Variants in SNX29 observed in about 807,000 individuals in gnomAD.
SNX29 encodes sorting nexin-29.
SNX29 carries 78 observed loss-of-function variants against 102.1 expected under a neutral mutation model. The observed-to-expected ratio is 0.76, with a 90% confidence interval of 0.64 to 0.92. The LOEUF is 0.92. SNX29 is among the 40% of genes least tolerant of loss of function. The pLI is 0.00. For synonymous variants in SNX29, 580 were observed against 414.5 expected, an observed-to-expected ratio of 1.40 and a Z score of -4.85; for missense variants, 1,280 against 1,061.7, an observed-to-expected ratio of 1.21 and a Z score of -2.86.
intron 18 of SNX29, among the ~76,000 whole-genome samples, chr16:12,422,761 C>G (rs1422388366): frequency 2.0e-5 from 3 of 152,226 alleles, no homozygotes; most frequent in Admixed American, 6.5e-5. Flanking sequence ...GAAGAGGCCT[C>G]CACATGGCCG....
chr16:12,156,434 G>A (rs1217343969), intron 13 of SNX29, among the ~76,000 whole-genome samples: 4 of 152,198 alleles, frequency 2.6e-5, no homozygotes, highest in Admixed American at 2.6e-4. Flanking sequence ...GCCTCCCAAA[G>A]TACTGGGATT....
intron 11 of SNX29, among the ~76,000 whole-genome samples, chr16:12,085,807 C>T (rs566781742): frequency 6.6e-6 from 1 of 152,300 alleles, no homozygotes; most frequent in South Asian, 2.1e-4. Flanking sequence ...CAGCAGCCTT[C>T]TGAGGTGTAG....
At chr16:12,416,231 C>T (rs2084630548) in intron 18 of SNX29, among the ~76,000 whole-genome samples, 1 of 152,074 alleles carries the variant, frequency 6.6e-6, no homozygotes, top group African/African-American at 2.4e-5. Context: ...TCTTAAACTG[C>T]CCCTCAAATG....
intron 16 of SNX29, among the ~76,000 whole-genome samples, chr16:12,366,419 G>A (rs973593564): frequency 3.3e-5 from 5 of 152,214 alleles, no homozygotes; most frequent in African/African-American, 9.6e-5. Context: ...TAAATGTCAT[G>A]TTTTTTTATT....
chr16:11,989,199 C>G (rs1303548257), intron 1 of SNX29, among the ~76,000 whole-genome samples: 1 of 152,158 alleles, frequency 6.6e-6, no homozygotes, highest in Non-Finnish European at 1.5e-5. Context: ...TCTTGAACTC[C>G]TGACCTCAAG....
At chr16:12,218,753 T>G (rs2077391859) in intron 14 of SNX29, among the ~76,000 whole-genome samples, 1 of 152,242 alleles carries the variant, frequency 6.6e-6, no homozygotes, top group East Asian at 1.9e-4. Flanking sequence ...GAATTTAGGT[T>G]GTTTCCAGGT....
chr16:12,531,753 G>A (rs2076938065), intron 20 of SNX29, among the ~76,000 whole-genome samples: 2 of 152,154 alleles, frequency 1.3e-5, no homozygotes, highest in Admixed American at 6.5e-5. Context: ...GAAGCATTGG[G>A]GTCAGAAACT....
At chr16:11,998,879 G>A (rs560580400) in intron 1 of SNX29, among the ~76,000 whole-genome samples, 1 of 152,302 alleles carries the variant, frequency 6.6e-6, no homozygotes, top group Non-Finnish European at 1.5e-5. Flanking sequence ...CTGCTGTACT[G>A]GGAAACTTAT....
intron 14 of SNX29, among the ~76,000 whole-genome samples, chr16:12,270,813 G>A (rs905555643): frequency 5.3e-5 from 8 of 152,024 alleles, no homozygotes; most frequent in South Asian, 2.1e-4. Context: ...AGGGCAAGGC[G>A]GGTAGATCGC....
chr16:12,427,797 CT>C (rs2085143634), intron 18 of SNX29, among the ~76,000 whole-genome samples: 1 of 152,200 alleles, frequency 6.6e-6, no homozygotes, highest in Admixed American at 6.5e-5. Context: ...CCTGATGTGT[CT>C]TCTTGAAAAT....
intron 20 of SNX29, chr16:12,527,357 AAAAAAAT>A (rs1339123214): frequency 2.0e-6 from 1 of 506,982 alleles, no homozygotes; most frequent in Non-Finnish European, 3.8e-6. Context: ...TTCTGGTTAA[AAAAAAAT>A]AAAAAATAAA....
chr16:12,077,939 C>A (rs2051662779), intron 10 of SNX29, among the ~76,000 whole-genome samples: 1 of 152,044 alleles, frequency 6.6e-6, no homozygotes, highest in South Asian at 2.1e-4. Flanking sequence ...GCATTTTTAT[C>A]AACTGATCAA....
chr16:12,193,840 T>C (rs916393179), intron 13 of SNX29, among the ~76,000 whole-genome samples: 2 of 152,216 alleles, frequency 1.3e-5, no homozygotes, highest in African/African-American at 4.8e-5. Flanking sequence ...GTCTGTCTTG[T>C]TGGTGTGTGT....
At chr16:12,549,290 T>G (rs971918147) in intron 20 of SNX29, among the ~76,000 whole-genome samples, 3 of 152,068 alleles carry the variant, frequency 2.0e-5, no homozygotes, top group African/African-American at 7.2e-5. Flanking sequence ...GGGTCAGAAG[T>G]TGGAAACCAG....
intron 14 of SNX29, among the ~76,000 whole-genome samples, chr16:12,270,967 G>A (rs1402513191): frequency 6.6e-6 from 1 of 152,116 alleles, no homozygotes; most frequent in Non-Finnish European, 1.5e-5. Flanking sequence ...GGCTTGAACT[G>A]GGGAGGTGGA....
Position 12,573,585 on chromosome 16 carries a change from C to G in SNX29, c.*4956C>G, listed in dbSNP as rs1444842359. The stretch of plus-strand genomic sequence containing the variant: ...GAAAACCACTCACCCAGGCTTCCCC[C>G]ACTTCCCCTCAAATTTTCTCAGCTC... On this transcript the variant is annotated 3_prime_UTR_variant, in exon 21 of 21. Transcript: ENST00000566228. The G allele has an allele frequency of 6.7e-5, 15 of 222,928 alleles. No homozygotes were observed. In the South Asian group the frequency reaches 1.1e-3, roughly 16 times the overall value. 13.8% of individuals were successfully genotyped at this position (222,928 alleles called of 1,614,324 possible).
intron 18 of SNX29, among the ~76,000 whole-genome samples, chr16:12,464,685 C>T (rs2086970979): frequency 6.6e-6 from 1 of 152,048 alleles, no homozygotes; most frequent in African/African-American, 2.4e-5. Flanking sequence ...GAACTCCTGG[C>T]CTCAAGGGAT....
chr16:12,408,255 G>T (rs1168226358), intron 18 of SNX29, among the ~76,000 whole-genome samples: 1 of 152,124 alleles, frequency 6.6e-6, no homozygotes, highest in Non-Finnish European at 1.5e-5. Context: ...GATCTCACCT[G>T]CATGGGCAGC....
intron 18 of SNX29, among the ~76,000 whole-genome samples, chr16:12,466,502 T>C (rs555886534): frequency 6.6e-6 from 1 of 152,238 alleles, no homozygotes; most frequent in Non-Finnish European, 1.5e-5. Flanking sequence ...TAGTGGCTAC[T>C]ACCAGATGAA....
Sources: allele counts gnomAD v4.1 joint callset (sites outside exome capture counted in the v4.1 genomes callset), GRCh38; gene constraint gnomAD v4.1.1; transcripts MANE v1.5; gene names NCBI Gene and HGNC (gene_info 2026-07-23, HGNC 2026-07-21).